Variants in ACMSD observed in about 807,000 individuals in gnomAD.
The protein encoded by ACMSD is aminocarboxymuconate semialdehyde decarboxylase.
A neutral mutation model predicts 45.9 loss-of-function variants in ACMSD; 37 were observed. The ratio of observed to expected loss-of-function variants is 0.81; its 90% CI spans 0.62 to 1.06. The LOEUF (loss-of-function observed/expected upper bound fraction) is 1.06. Ranked by LOEUF, ACMSD falls within the 50% of genes least tolerant of loss-of-function variation. The probability of loss-of-function intolerance (pLI) is 0.00; values close to 1 mark genes in which losing one functional copy is unlikely to be tolerated. For synonymous variants in ACMSD, 138 were observed against 148.8 expected (o/e 0.93, Z 0.53); for missense variants, 434 against 420.9 (o/e 1.03, Z -0.27).
At chr2:134,901,432 T>C (rs753960954) in intron 9 of ACMSD, among the ~76,000 whole-genome samples, 4 of 152,198 alleles carry the variant, frequency 2.6e-5, no homozygotes, top group Admixed American at 1.3e-4. Context: ...TAGATGACTT[T>C]TGAGCACCTT....
At chr2:134,890,335 A>G (rs531163576) in intron 8 of ACMSD, among the ~76,000 whole-genome samples, 19 of 152,178 alleles carry the variant, frequency 1.2e-4, no homozygotes, top group African/African-American at 4.6e-4. Context: ...GACAAACACA[A>G]ACTGAGGACA....
chr2:134,847,633 T>C (rs1372373056), intron 2 of ACMSD, among the ~76,000 whole-genome samples: 1 of 152,024 alleles, frequency 6.6e-6, no homozygotes, highest in East Asian at 1.9e-4. Context: ...CGACAGGCCA[T>C]GGTGTGTGAT....
At chr2:134,900,467 G>A (rs1302928517) in intron 9 of ACMSD, among the ~76,000 whole-genome samples, 1 of 152,144 alleles carries the variant, frequency 6.6e-6, no homozygotes, top group Non-Finnish European at 1.5e-5. Context: ...CAAAGCACAA[G>A]AGTAGTAATG....
At chr2:134,875,632 A>T (rs185908339) in intron 8 of ACMSD, among the ~76,000 whole-genome samples, 211 of 152,350 alleles carry the variant, frequency 1.4e-3, no homozygotes, top group South Asian at 0.013. Flanking sequence ...TCAGTCTAAC[A>T]CTGTGAGAAA....
At chr2:134,846,051 A>T (rs1687039964) in intron 2 of ACMSD, among the ~76,000 whole-genome samples, 2 of 152,204 alleles carry the variant, frequency 1.3e-5, no homozygotes, top group Admixed American at 6.5e-5. Flanking sequence ...AGGGGCAGAG[A>T]TTTGGGCACC....
intron 8 of ACMSD, among the ~76,000 whole-genome samples, chr2:134,885,303 T>TAAATATATATATATAAATATATATG (rs1559064787): frequency 9.7e-6 from 1 of 102,610 alleles, no homozygotes; most frequent in African/African-American, 4.1e-5. Context: ...ATATATATAT[T>TAAATATATATATATAAATATATATG]TAAATATATA....
chr2:134,901,300 C>T (rs927702281), intron 9 of ACMSD, among the ~76,000 whole-genome samples: 6 of 152,220 alleles, frequency 3.9e-5, no homozygotes, highest in South Asian at 4.1e-4. Flanking sequence ...TTAAGATGTA[C>T]GGATTTGTAC....
Position 134,871,077 on chromosome 2 carries a change from A to G in ACMSD, c.676+17A>G. The G allele has an allele frequency of 1.9e-6, 3 of 1,606,298 alleles. No homozygotes were observed. Among genetic ancestry groups the G allele is most frequent in the Non-Finnish European group, 2.6e-6 (3 of 1,173,132 alleles). On this transcript the variant is annotated intron_variant, in intron 7 of 9. Transcript: ENST00000356140. ...CACATGGTGGTAAGACCCTATCTTT[A>G]TTAGTCAGCTCAGGCTGTCACAACA...
In ACMSD at chr2:134,889,184, G is replaced by A. The variant is rs188169703; in HGVS notation, c.850-9157G>A. Among the ~76,000 whole-genome samples the A allele has an allele frequency of 4.6e-3, 703 of 152,266 alleles. 7 individuals are homozygous for A. Among genetic ancestry groups the A allele is most frequent in the Admixed American group, 0.022 (344 of 15,290 alleles). On this transcript the variant is annotated intron_variant, in intron 8 of 9. Transcript: ENST00000356140. ...TTAGAAATCTGAAGAGTAGGAAGAAGATGAGAAGGTACCCTGCAGTGTTTG... is the reference window on the plus strand; with the variant it reads ...TTAGAAATCTGAAGAGTAGGAAGAAAATGAGAAGGTACCCTGCAGTGTTTG...
At chr2:134,858,786 G>C (rs1303604708) in intron 2 of ACMSD, among the ~76,000 whole-genome samples, 1 of 151,938 alleles carries the variant, frequency 6.6e-6, no homozygotes, top group Non-Finnish European at 1.5e-5. Context: ...ATTGACACTA[G>C]TGGGCCCTGC....
At chr2:134,897,539 A>T (rs1690231326) in intron 8 of ACMSD, among the ~76,000 whole-genome samples, 1 of 152,164 alleles carries the variant, frequency 6.6e-6, no homozygotes. Context: ...GTATGAGTGG[A>T]ATACATTTTG....
chr2:134,875,781 T>C (rs1012198916), intron 8 of ACMSD, among the ~76,000 whole-genome samples: 4 of 152,218 alleles, frequency 2.6e-5, no homozygotes, highest in African/African-American at 7.2e-5. Flanking sequence ...GCTAGATCCA[T>C]TGGTAACCTA....
In ACMSD at chr2:134,853,736, T is replaced by G. The variant is rs750307917; in HGVS notation, c.103-5525T>G. Among the ~76,000 whole-genome samples, 10 of 152,302 alleles carry G rather than the reference T, an allele frequency of 6.6e-5. No individual in the cohort carries two copies. In the East Asian group the frequency reaches 1.4e-3, roughly 21 times the overall value. ...AAACCAATGAGAACTGGGGGCTTAT[T>G]ATACGGGCACAGCTGCTCTGCAGTG... On this transcript the variant is annotated intron_variant, in intron 2 of 9. Coordinates refer to ENST00000356140, the MANE Select transcript of ACMSD (RefSeq NM_138326.3).
At chr2:134,843,369 G>T (rs902602559) in intron 1 of ACMSD, among the ~76,000 whole-genome samples, 5 of 152,176 alleles carry the variant, frequency 3.3e-5, no homozygotes, top group Admixed American at 1.3e-4. Context: ...ATGATAATTT[G>T]GGGCTAGGAC....
At chr2:134,877,794 T>C (rs1017914485) in intron 8 of ACMSD, among the ~76,000 whole-genome samples, 1 of 152,144 alleles carries the variant, frequency 6.6e-6, no homozygotes, top group African/African-American at 2.4e-5. Flanking sequence ...TCATATAGTA[T>C]TAATTCCATC....
chr2:134,877,422 A>T (rs1252776882), intron 8 of ACMSD: 2 of 152,198 alleles, frequency 1.3e-5, no homozygotes, highest in East Asian at 3.9e-4. Context: ...CTGACCCAAA[A>T]TCTCTCAAGA....
intron 8 of ACMSD, among the ~76,000 whole-genome samples, chr2:134,888,931 G>T (rs968818459): frequency 3.9e-5 from 6 of 152,186 alleles, no homozygotes; most frequent in Admixed American, 6.5e-5. Flanking sequence ...TGTGGGCAAT[G>T]CCAGTGTATT....
intron 1 of ACMSD, among the ~76,000 whole-genome samples, chr2:134,842,243 G>A (rs534386028): frequency 6.6e-6 from 1 of 152,262 alleles, no homozygotes; most frequent in Admixed American, 6.5e-5. Context: ...CCTAGGATGA[G>A]AACTGCGGGG....
rs1686990174 is a variant in ACMSD at position 134,845,134 on chromosome 2, C to T, written c.58-99C>T. 27 of 1,236,494 alleles carry T rather than the reference C, an allele frequency of 2.2e-5. No homozygotes were observed. The South Asian group carries it at 3.0e-4, about 14-fold the overall frequency. 76.6% of individuals were successfully genotyped at this position (1,236,494 alleles called of 1,614,324 possible). On this transcript the variant is annotated intron_variant, in intron 1 of 9. Transcript: ENST00000356140. ...GTATGGGGGAAATGGGAAGGCAATG[C>T]TTGAAAGGTGGAGCTCAGGATCTTC...
Sources: gnomAD v4.1 joint callset for allele counts (sites outside exome capture counted in the v4.1 genomes callset) on GRCh38, gnomAD v4.1.1 for gene constraint, MANE v1.5 for transcripts, NCBI Gene and HGNC (gene_info 2026-07-23, HGNC 2026-07-21) for gene names.